The following SOX5 variants were observed in gnomAD, a reference collection of about 807,000 sequenced individuals.
SOX5 encodes SRY-box transcription factor 5, also known as transcription factor SOX-5.
In SOX5, 9 loss-of-function variants were observed where a neutral mutation model predicts 92.0. The observed-to-expected ratio is 0.10, with a 90% CI of 0.06 to 0.17. The LOEUF (loss-of-function observed/expected upper bound fraction) is 0.17, where lower values mean the gene tolerates loss of function less well. Among genes scored for constraint, SOX5 ranks in the 10% least tolerant of loss-of-function variants. The probability of loss-of-function intolerance (pLI) is 1.00; values close to 1 mark genes in which losing one functional copy is unlikely to be tolerated. For missense variants in SOX5, 642 were observed against 944.5 expected, an observed-to-expected ratio of 0.68 and a Z score of 4.20; for synonymous variants, 344 against 336.3, an observed-to-expected ratio of 1.02 and a Z score of -0.25.
chr12:23,641,838 T>A (rs1031829389), intron 7 of SOX5, among the ~76,000 whole-genome samples: 2 of 152,216 alleles, frequency 1.3e-5, no homozygotes, highest in African/African-American at 2.4e-5. Context: ...TGTAGAAATC[T>A]AATTTATAAA....
At chr12:24,200,049 C>T (rs1256933779) in intron 4 of SOX5, among the ~76,000 whole-genome samples, 1 of 152,142 alleles carries the variant, frequency 6.6e-6, no homozygotes, top group South Asian at 2.1e-4. Flanking sequence ...ATTGAATGAA[C>T]CCACTCCTTC....
chr12:23,824,972 A>T (rs2142860705), intron 3 of SOX5, among the ~76,000 whole-genome samples: 1 of 152,316 alleles, frequency 6.6e-6, no homozygotes, highest in African/African-American at 2.4e-5. Context: ...GGTTGACTTC[A>T]GGCTGCTGTG....
chr12:23,819,215 A>T (rs2096059456), intron 3 of SOX5, among the ~76,000 whole-genome samples: 1 of 152,218 alleles, frequency 6.6e-6, no homozygotes, highest in Non-Finnish European at 1.5e-5. Flanking sequence ...ATGTTGTGTT[A>T]CAACCCTACA....
chr12:24,361,033 T>G (rs1159791115), intron 2 of SOX5, among the ~76,000 whole-genome samples: 2 of 152,190 alleles, frequency 1.3e-5, no homozygotes, highest in Admixed American at 1.3e-4. Flanking sequence ...ATTAACTCGC[T>G]TGTTTACTGT....
At position 23,602,265 on chromosome 12, in the gene SOX5, C is replaced by A. The variant is rs1016823173; in HGVS notation, c.1164+2122G>T. ...ACTGAAATACTCATTCTCTTTTGCA[C>A]AAAGTCTATGAGGTTCTATGAATGT... On this transcript the variant is annotated intron_variant, in intron 9 of 14. Coordinates refer to ENST00000451604, the MANE Select transcript of SOX5 (RefSeq NM_006940.6). Among the ~76,000 whole-genome samples the A allele has an allele frequency of 2.0e-5, 3 of 152,096 alleles. No homozygotes were observed. In the South Asian group the frequency reaches 6.2e-4, roughly 32 times the overall value.
At chr12:23,958,666 A>G (rs1946544004) in intron 4 of SOX5, among the ~76,000 whole-genome samples, 1 of 151,864 alleles carries the variant, frequency 6.6e-6, no homozygotes, top group African/African-American at 2.4e-5. Flanking sequence ...AAGCCTATCT[A>G]AAATATACAA....
intron 7 of SOX5, among the ~76,000 whole-genome samples, chr12:23,663,958 C>T (rs964561603): frequency 2.6e-5 from 4 of 151,932 alleles, no homozygotes; most frequent in African/African-American, 7.2e-5. Context: ...CCATTTAAAA[C>T]GCAGGACACC....
intron 1 of SOX5, among the ~76,000 whole-genome samples, chr12:24,513,477 G>A (rs1349266585): frequency 1.3e-5 from 2 of 152,074 alleles, no homozygotes; most frequent in East Asian, 3.9e-4. Context: ...CTAATTAAAG[G>A]AGAAGTACAC....
chr12:24,240,378 A>G (rs1462978045), intron 3 of SOX5, among the ~76,000 whole-genome samples: 3 of 152,188 alleles, frequency 2.0e-5, no homozygotes. Flanking sequence ...GTCAGGTTGC[A>G]ATATATTCTG....
chr12:23,682,154 A>T (rs963420901), intron 6 of SOX5, among the ~76,000 whole-genome samples: 7 of 151,832 alleles, frequency 4.6e-5, no homozygotes, highest in Admixed American at 2.0e-4. Flanking sequence ...CCCACAGAAC[A>T]TTTATAAAAA....
At chr12:23,986,533 A>G (rs932123140) in intron 4 of SOX5, among the ~76,000 whole-genome samples, 2 of 152,204 alleles carry the variant, frequency 1.3e-5, no homozygotes, top group African/African-American at 4.8e-5. Flanking sequence ...CTGTTAAGAG[A>G]AATACAATGT....
chr12:24,374,231 G>A lies in SOX5; in HGVS notation c.-250-5592C>T, dbSNP rs371271303. ...GCCTGTGAGTGGCACAAAGGAATCC[G>A]CAGCCCTGTGGGCTGACAGTCCTCT... On this transcript the variant is annotated intron_variant, in intron 1 of 4. Transcript: ENST00000446891. 1.4e-4 allele frequency among the ~76,000 whole-genome samples: 22 copies of A among 152,136 alleles called. No homozygotes were observed. In the South Asian group the frequency reaches 1.9e-3, roughly 13 times the overall value.
intron 3 of SOX5, among the ~76,000 whole-genome samples, chr12:24,232,578 G>A (rs1963617343): frequency 6.6e-6 from 1 of 152,304 alleles, no homozygotes; most frequent in Non-Finnish European, 1.5e-5. Flanking sequence ...CCCCAGGACA[G>A]GAAGGCAGGC....
intron 4 of SOX5, among the ~76,000 whole-genome samples, chr12:24,142,221 T>C (rs573011359): frequency 1.3e-5 from 2 of 151,904 alleles, no homozygotes; most frequent in Non-Finnish European, 2.9e-5. Flanking sequence ...ACCAAGGAGA[T>C]TGGGGGTAAG....
chr12:23,786,787 G>C (rs1288872018), intron 3 of SOX5, among the ~76,000 whole-genome samples: 2 of 145,790 alleles, frequency 1.4e-5, no homozygotes, highest in South Asian at 2.2e-4. Flanking sequence ...GATTTGACTT[G>C]TATCAGCTAG....
intron 1 of SOX5, among the ~76,000 whole-genome samples, chr12:24,424,404 T>C (rs1014796267): frequency 6.6e-6 from 1 of 152,212 alleles, no homozygotes; most frequent in African/African-American, 2.4e-5. Flanking sequence ...TATACCCTCA[T>C]TCATCTTTAA....
At chr12:24,386,572 T>A (rs139650726) in intron 1 of SOX5, among the ~76,000 whole-genome samples, 6 of 152,270 alleles carry the variant, frequency 3.9e-5, no homozygotes, top group Middle Eastern at 3.4e-3. Context: ...TACATAAATA[T>A]ATGAAATTGG....
intron 1 of SOX5, among the ~76,000 whole-genome samples, chr12:24,402,182 C>T (rs971095266): frequency 1.3e-5 from 2 of 151,972 alleles, no homozygotes; most frequent in Non-Finnish European, 2.9e-5. Flanking sequence ...ACAAGAAAAT[C>T]CATTTCTACA....
chr12:23,954,384 G>A (rs1269145878), upstream of SOX5, among the ~76,000 whole-genome samples: 1 of 151,638 alleles, frequency 6.6e-6, no homozygotes, highest in Non-Finnish European at 1.5e-5. Flanking sequence ...TTAAGAAAAT[G>A]CCTTTTGCCT....
Sources: gnomAD v4.1 joint callset for allele counts (sites outside exome capture counted in the v4.1 genomes callset) on GRCh38, gnomAD v4.1.1 for gene constraint, MANE v1.5 for transcripts, NCBI Gene and HGNC (gene_info 2026-07-23, HGNC 2026-07-21) for gene names.